Variants in ZNF469 observed in about 807,000 individuals in gnomAD.
The protein encoded by ZNF469 is zinc finger protein 469.
A neutral mutation model predicts 1.0 loss-of-function variants in ZNF469; 1 was observed. The ratio of observed to expected loss-of-function variants is 1.00; its 90% confidence interval spans 0.35 to 4.73. ZNF469 has a LOEUF of 4.73. Ranked by LOEUF, ZNF469 falls within the 30% of genes most tolerant of loss-of-function variation. ZNF469 has a pLI of 0.16. For synonymous variants in ZNF469, 2,703 were observed against 2,363.4 expected (o/e 1.14, Z -4.17); for missense variants, 6,100 against 5,356.3 (o/e 1.14, Z -4.33).
chr16:88,409,375 G>T (rs911732612), intron 1 of ZNF469, among the ~76,000 whole-genome samples: 7 of 152,236 alleles, frequency 4.6e-5, no homozygotes, highest in Non-Finnish European at 1.5e-5. Flanking sequence ...CTAGACAAAC[G>T]TGAAAGCGGG....
At chr16:88,386,491 C>T (rs561445278) in intron 1 of ZNF469, among the ~76,000 whole-genome samples, 1 of 152,308 alleles carries the variant, frequency 6.6e-6, no homozygotes, top group African/African-American at 2.4e-5. Flanking sequence ...TGCATCCCAC[C>T]TCCCATCACT....
At chr16:88,360,011 G>T in the ZNF469 span, among the ~76,000 whole-genome samples, 1 of 152,172 alleles carries the variant, frequency 6.6e-6, no homozygotes, top group Non-Finnish European at 1.5e-5. Context: ...ATTGGTTCTT[G>T]ATTTTTTAAT....
At chr16:88,338,201 G>T in the ZNF469 span, among the ~76,000 whole-genome samples, 3 of 152,050 alleles carry the variant, frequency 2.0e-5, no homozygotes, top group South Asian at 4.1e-4. Context: ...GCCTCCAATC[G>T]CCTGGGGAGA....
the ZNF469 span, among the ~76,000 whole-genome samples, chr16:88,328,456 G>A: frequency 6.6e-6 from 1 of 152,134 alleles, no homozygotes; most frequent in African/African-American, 2.4e-5. Flanking sequence ...GGGCCTGGCC[G>A]CATGGCTACC....
At chr16:88,279,179 C>T in the ZNF469 span, among the ~76,000 whole-genome samples, 141 of 26,122 alleles carry the variant, frequency 5.4e-3, 4 homozygotes, top group East Asian at 0.01. Context: ...TATCAGTGCA[C>T]GGTTAGTGCT....
chr16:88,248,564 T>C, the ZNF469 span, among the ~76,000 whole-genome samples: 3 of 152,194 alleles, frequency 2.0e-5, no homozygotes, highest in Non-Finnish European at 4.4e-5. Flanking sequence ...TAATTTTAAC[T>C]TGTGTAGAAT....
the ZNF469 span, among the ~76,000 whole-genome samples, chr16:88,288,183 C>A: frequency 1.3e-5 from 2 of 152,096 alleles, no homozygotes; most frequent in Admixed American, 1.3e-4. Flanking sequence ...AGTATCTGTA[C>A]CTTGCTCTTG....
At chr16:88,281,939 A>G in the ZNF469 span, among the ~76,000 whole-genome samples, 1 of 152,236 alleles carries the variant, frequency 6.6e-6, no homozygotes, top group Non-Finnish European at 1.5e-5. Context: ...GGGTCAGTGC[A>G]TGGATTGTAC....
At chr16:88,336,262 C>G in the ZNF469 span, among the ~76,000 whole-genome samples, 4 of 150,892 alleles carry the variant, frequency 2.7e-5, no homozygotes, top group African/African-American at 4.9e-5. Flanking sequence ...CAATACCACA[C>G]ATGTTCATCC....
chr16:88,116,485 C>T, the ZNF469 span, among the ~76,000 whole-genome samples: 2 of 152,218 alleles, frequency 1.3e-5, no homozygotes, highest in East Asian at 3.8e-4. Flanking sequence ...AATGTACAAC[C>T]CCACAATGAC....
chr16:88,340,294 T>C, the ZNF469 span, among the ~76,000 whole-genome samples: 6 of 152,162 alleles, frequency 3.9e-5, no homozygotes, highest in East Asian at 1.2e-3. Flanking sequence ...CCAAACGAGG[T>C]GTTGTCATGG....
the ZNF469 span, among the ~76,000 whole-genome samples, chr16:88,356,588 T>G: frequency 6.6e-6 from 1 of 152,066 alleles, no homozygotes; most frequent in African/African-American, 2.4e-5. Flanking sequence ...ATCATCACTG[T>G]TAACATCATC....
At chr16:88,109,414 G>T in the ZNF469 span, among the ~76,000 whole-genome samples, 297 of 152,378 alleles carry the variant, frequency 1.9e-3, 5 homozygotes, top group African/African-American at 6.6e-3. Context: ...CAGGCATGAG[G>T]CTTCTCCCCG....
At chr16:88,227,124 C>T in the ZNF469 span, among the ~76,000 whole-genome samples, 12 of 151,780 alleles carry the variant, frequency 7.9e-5, 2 homozygotes, top group South Asian at 2.5e-3. Context: ...CCCTCCTCCA[C>T]GCCGGGGCCT....
the ZNF469 span, among the ~76,000 whole-genome samples, chr16:88,298,115 G>A: frequency 4.6e-5 from 7 of 152,248 alleles, no homozygotes; most frequent in South Asian, 2.1e-4. Flanking sequence ...ATGTAACCCC[G>A]CCATCCTCTT....
the ZNF469 span, among the ~76,000 whole-genome samples, chr16:88,115,715 C>G: frequency 6.6e-6 from 1 of 150,960 alleles, no homozygotes; most frequent in East Asian, 2.0e-4. Context: ...GGCTCTGGGT[C>G]CTTCCAGCCG....
chr16:88,335,157 G>A, the ZNF469 span, among the ~76,000 whole-genome samples: 3 of 152,186 alleles, frequency 2.0e-5, no homozygotes, highest in Non-Finnish European at 4.4e-5. Flanking sequence ...GAGGATGAAC[G>A]TCTGTTGCCC....
the ZNF469 span, among the ~76,000 whole-genome samples, chr16:88,187,274 G>A: frequency 1.2e-4 from 18 of 152,346 alleles, 1 homozygote; most frequent in South Asian, 3.1e-3. Context: ...AGGTCCGACC[G>A]GACCCCGCAG....
the ZNF469 span, among the ~76,000 whole-genome samples, chr16:88,132,501 C>T: frequency 5.7e-4 from 87 of 152,374 alleles, no homozygotes; most frequent in African/African-American, 2.0e-3. Context: ...CCCAACAACA[C>T]GTGGCCGTCC....
Sources: allele counts gnomAD v4.1 joint callset (sites outside exome capture counted in the v4.1 genomes callset), GRCh38; gene constraint gnomAD v4.1.1; transcripts MANE v1.5; gene names NCBI Gene and HGNC (gene_info 2026-07-23, HGNC 2026-07-21).